The following DAG1 variants were observed in gnomAD, a reference collection of about 807,000 sequenced individuals.
DAG1 encodes dystroglycan 1 (dystrophin-associated glycoprotein 1).
In DAG1, 8 loss-of-function variants were observed where a neutral mutation model predicts 46.1. The observed-to-expected ratio is 0.17, with a 90% CI of 0.10 to 0.31. DAG1 has a LOEUF of 0.31. DAG1 is among the 10% of genes least tolerant of loss of function. The pLI is 1.00. For missense variants in DAG1, 1,003 were observed against 1,189.9 expected, an observed-to-expected ratio of 0.84 and a Z score of 2.31; for synonymous variants, 495 against 481.8, an observed-to-expected ratio of 1.03 and a Z score of -0.36.
rs368810294 is a variant in DAG1, at chr3:49,532,466, G to A, written c.1955G>A (p.Arg652Gln). The change falls in exon 3 of 3, where the codon CGG becomes CAG. Residue 652 changes from arginine (R) to glutamine (Q), a missense_variant. Transcript: ENST00000308775. The surrounding 1 kb of genome is among the most constrained non-coding windows in gnomAD (Gnocchi z 5.4). ...CSTITLQNIT[R>Q]GSIVVEWTNN... is the part of the protein sequence containing the mutation. ...ACCATCACCCTGCAGAATATCACCC[G>A]GGGCTCCATCGTGGTGGAATGGACC... The A allele has an allele frequency of 1.1e-5, 18 of 1,614,080 alleles. No homozygotes were observed. Among genetic ancestry groups the A allele is most frequent in the South Asian group, 2.2e-5 (2 of 91,092 alleles).
chr3:49,477,584 G>A (rs1412374360), intron 1 of DAG1, among the ~76,000 whole-genome samples: 4 of 152,162 alleles, frequency 2.6e-5, no homozygotes, highest in South Asian at 2.1e-4. Context: ...ATGAGCCTCC[G>A]CACCTGACTT....
At chr3:49,496,876 C>T (rs1327993362) in intron 1 of DAG1, among the ~76,000 whole-genome samples, 5 of 151,822 alleles carry the variant, frequency 3.3e-5, no homozygotes, top group South Asian at 2.1e-4. Context: ...CCACCCACCT[C>T]GGCCTCCCAA....
At position 49,531,774 on chromosome 3, in the gene DAG1, A is replaced by C; in HGVS notation, c.1263A>C (p.Thr421=). The change falls in exon 3 of 3, where the codon ACA becomes ACC. Residue 421 remains threonine, a synonymous_variant. Transcript: ENST00000308775. The surrounding 1 kb of genome is among the most constrained non-coding windows in gnomAD (Gnocchi z 7.0). ...VEPTAVATPP[T]TTTKKPRVST... ...CTACTGCAGTTGCTACCCCTCCCAC[A>C]ACCACCACCAAGAAGCCACGAGTAT... The C allele has an allele frequency of 6.2e-7, 1 of 1,613,512 alleles. No individual in the cohort carries two copies. Among genetic ancestry groups the C allele is most frequent in the Non-Finnish European group, 8.5e-7 (1 of 1,179,846 alleles).
chr3:49,532,070 C>T lies in DAG1; in HGVS notation c.1559C>T (p.Ser520Leu). 6.2e-7 allele frequency: 1 copy of T among 1,614,224 alleles called. No individual in the cohort carries two copies. Among genetic ancestry groups the T allele is most frequent in the Non-Finnish European group, 8.5e-7 (1 of 1,180,042 alleles). The stretch of plus-strand genomic sequence containing the variant: ...ACCTACTTTGAGGTGAAGATCCCGT[C>T]AGACACTTTCTATGACCATGAGGAC... ...VGTYFEVKIP[S>L]DTFYDHEDTT... Residue 520 changes from serine (S) to leucine (L), a missense_variant, in exon 3 of 3, where the codon TCA (serine) becomes TTA (leucine). By Grantham distance (145) the Ser-to-Leu change is moderately radical (BLOSUM62 -2). Around this residue, in one of 3 missense-constraint regions of DAG1, gnomAD observed 755 missense variants for 854.1 expected, o/e 0.88. Coordinates refer to ENST00000308775, the MANE Select transcript of DAG1 (RefSeq NM_004393.6). The surrounding 1 kb of genome is among the most constrained non-coding windows in gnomAD (Gnocchi z 5.4).
chr3:49,507,613 T>C (rs551684369), intron 1 of DAG1, among the ~76,000 whole-genome samples: 57 of 152,024 alleles, frequency 3.7e-4, no homozygotes, highest in Non-Finnish European at 6.9e-4. Flanking sequence ...TCCTTAATAT[T>C]TTTCTTTTCT....
At chr3:49,486,221 TA>T (rs2050021562) in intron 1 of DAG1, among the ~76,000 whole-genome samples, 5 of 146,054 alleles carry the variant, frequency 3.4e-5, no homozygotes, top group Middle Eastern at 3.5e-3. Flanking sequence ...TTTATTTATT[TA>T]TTTATTTATT....
chr3:49,490,352 C>CA (rs1191794390), intron 1 of DAG1, among the ~76,000 whole-genome samples: 1,777 of 102,878 alleles, frequency 0.017, 28 homozygotes, highest in African/African-American at 0.05. Context: ...GACTCTGTCT[C>CA]AAAAAAAAAA....
At position 49,531,355 on chromosome 3, in the gene DAG1, A is replaced by G; in HGVS notation, c.844A>G (p.Arg282Gly). Residue 282 changes from arginine (R) to glycine (G), a missense_variant, in exon 3 of 3, where the codon AGG becomes GGG. Arg to Gly is a moderately radical substitution (Grantham distance 125, BLOSUM62 -2). This residue lies in a region of DAG1 where 755 missense variants were observed against 854.1 expected (regional missense o/e 0.88). Transcript: ENST00000308775. The surrounding 1 kb of genome is among the most constrained non-coding windows in gnomAD (Gnocchi z 7.0). ...PDIHGVEAPA[R>G]EGAMSAQLGY... Reference sequence around the variant, plus strand: ...CATTCATGGTGTAGAGGCCCCTGCCAGGGAGGGCGCAATGTCTGCTCAGCT... The same window carrying G: ...CATTCATGGTGTAGAGGCCCCTGCCGGGGAGGGCGCAATGTCTGCTCAGCT... The G allele has an allele frequency of 6.2e-7, 1 of 1,614,130 alleles. No individual in the cohort carries two copies. The highest frequency in any genetic ancestry group is 8.5e-7 in the Non-Finnish European group (1 of 1,180,018).
At chr3:49,488,606 TA>T (rs1209874959) in intron 1 of DAG1, 3 of 152,004 alleles carry the variant, frequency 2.0e-5, no homozygotes, top group South Asian at 2.1e-4. Flanking sequence ...AACGGTTATT[TA>T]TTTATTTTTT....
chr3:49,522,052 A>T (rs13062429), intron 2 of DAG1, among the ~76,000 whole-genome samples: 1 of 149,382 alleles, frequency 6.7e-6, no homozygotes. Flanking sequence ...TTTTTGAGAC[A>T]AAGTCTCACT....
At chr3:49,474,576 C>A (rs1204943867) in intron 1 of DAG1, among the ~76,000 whole-genome samples, 5 of 151,920 alleles carry the variant, frequency 3.3e-5, no homozygotes, top group Non-Finnish European at 7.4e-5. Context: ...GAACTCCTGA[C>A]CTCAGGTGAT....
intron 2 of DAG1, among the ~76,000 whole-genome samples, chr3:49,517,607 C>T (rs1361287315): frequency 6.6e-6 from 1 of 152,112 alleles, no homozygotes; most frequent in Non-Finnish European, 1.5e-5. Flanking sequence ...GGGCCCAAAA[C>T]TGATTGCTAA....
At position 49,506,533 on chromosome 3, in the gene DAG1, T is replaced by TC. The variant is rs201608078; in HGVS notation, c.-116-3886_-116-3885insC. 4.3e-4 allele frequency among the ~76,000 whole-genome samples: 65 copies of TC among 152,302 alleles called. No individual in the cohort carries two copies. In the East Asian group the frequency reaches 0.01, roughly 24 times the overall value. ...TCAGTGTTGAATTTTGTCAGACACTTTCTCTGCATCAATTGGTATGACCAT... is the reference window on the plus strand; with the variant it reads ...TCAGTGTTGAATTTTGTCAGACACTTCTCTCTGCATCAATTGGTATGACCAT... On this transcript the variant is annotated intron_variant, in intron 1 of 2. Coordinates refer to ENST00000308775, the MANE Select transcript of DAG1 (RefSeq NM_004393.6).
intron 1 of DAG1, among the ~76,000 whole-genome samples, chr3:49,496,814 A>T (rs1423573673): frequency 6.6e-6 from 1 of 151,742 alleles, no homozygotes; most frequent in African/African-American, 2.4e-5. Flanking sequence ...TTTAGTAGAG[A>T]TGGGGTTTCA....
intron 1 of DAG1, among the ~76,000 whole-genome samples, chr3:49,507,326 G>T (rs1267528051): frequency 6.6e-6 from 1 of 152,184 alleles, no homozygotes; most frequent in Non-Finnish European, 1.5e-5. Context: ...ACTTTGGGAG[G>T]CTGAGGTGGG....
chr3:49,497,012 T>A (rs1397803656), intron 1 of DAG1, among the ~76,000 whole-genome samples: 1 of 152,022 alleles, frequency 6.6e-6, no homozygotes, highest in Non-Finnish European at 1.5e-5. Context: ...AAATGTTTTT[T>A]TTAGGGGCTG....
intron 2 of DAG1, among the ~76,000 whole-genome samples, chr3:49,518,808 G>A (rs1475274542): frequency 6.6e-6 from 1 of 152,234 alleles, no homozygotes; most frequent in Non-Finnish European, 1.5e-5. Context: ...CTCCCTCAAG[G>A]TCCTCATGGC....
At chr3:49,473,644 G>A (rs541373707) in intron 1 of DAG1, among the ~76,000 whole-genome samples, 105 of 150,680 alleles carry the variant, frequency 7.0e-4, no homozygotes, top group African/African-American at 2.5e-3. Flanking sequence ...ATAAAGTGGC[G>A]TGATCTTGGC....
chr3:49,485,657 C>CT (rs749730213), intron 1 of DAG1, among the ~76,000 whole-genome samples: 28 of 82,018 alleles, frequency 3.4e-4, no homozygotes, highest in African/African-American at 6.0e-4. Flanking sequence ...TGTTTTCTTT[C>CT]TTTTTTTTTT....
Sources: allele counts gnomAD v4.1 joint callset (sites outside exome capture counted in the v4.1 genomes callset), GRCh38; gene constraint gnomAD v4.1.1; regional missense constraint gnomAD v4.1.1; non-coding constraint Gnocchi (gnomAD v3.1); transcripts MANE v1.5; gene names NCBI Gene and HGNC (gene_info 2026-07-23, HGNC 2026-07-21).